The following SLC39A11 variants were observed in gnomAD, a reference collection of about 807,000 sequenced individuals.
SLC39A11 encodes the protein zinc transporter ZIP11.
A neutral mutation model predicts 36.1 loss-of-function variants in SLC39A11; 33 were observed. The ratio of observed to expected loss-of-function variants is 0.91; its 90% CI spans 0.69 to 1.22. SLC39A11 has a LOEUF of 1.22. Ranked by LOEUF, SLC39A11 falls within the 50% of genes most tolerant of loss-of-function variation. The probability of loss-of-function intolerance (pLI) is 0.00; values close to 1 mark genes in which losing one functional copy is unlikely to be tolerated. For missense variants in SLC39A11, 432 were observed against 430.3 expected (o/e 1.00, Z -0.03); for synonymous variants, 166 against 170.3 (o/e 0.97, Z 0.20).
At chr17:72,788,710 G>A (rs1022703346) in intron 6 of SLC39A11, among the ~76,000 whole-genome samples, 9 of 152,236 alleles carry the variant, frequency 5.9e-5, no homozygotes, top group African/African-American at 2.2e-4. Flanking sequence ...TGAGCCAATG[G>A]TATACATTTA....
intron 4 of SLC39A11, among the ~76,000 whole-genome samples, chr17:72,950,086 C>T (rs1393800557): frequency 6.6e-6 from 1 of 151,964 alleles, no homozygotes; most frequent in African/African-American, 2.4e-5. Context: ...TGCTTCCAAC[C>T]AAATGTTGAA....
chr17:72,994,013 G>A (rs2089348659), intron 4 of SLC39A11, among the ~76,000 whole-genome samples: 1 of 152,092 alleles, frequency 6.6e-6, no homozygotes, highest in African/African-American at 2.4e-5. Context: ...TCTTGGTCCT[G>A]TATTTTTCCA....
chr17:72,816,350 G>A (rs1273658791), intron 6 of SLC39A11, among the ~76,000 whole-genome samples: 1 of 151,902 alleles, frequency 6.6e-6, no homozygotes, highest in African/African-American at 2.4e-5. Flanking sequence ...TAATCTCTTT[G>A]CTGTTTCTTT....
At chr17:73,039,297 C>T (rs918073501) in intron 3 of SLC39A11, among the ~76,000 whole-genome samples, 8 of 152,082 alleles carry the variant, frequency 5.3e-5, no homozygotes, top group Admixed American at 1.3e-4. Context: ...TCCCATCTTG[C>T]GCTATACCCC....
At chr17:72,937,672 C>T (rs1484789094) in intron 5 of SLC39A11, among the ~76,000 whole-genome samples, 2 of 152,096 alleles carry the variant, frequency 1.3e-5, no homozygotes, top group Non-Finnish European at 2.9e-5. Flanking sequence ...ATATTTGTTT[C>T]CCCAGGAGGG....
chr17:73,019,199 G>A (rs957363963), intron 4 of SLC39A11, among the ~76,000 whole-genome samples: 2 of 152,076 alleles, frequency 1.3e-5, no homozygotes, highest in Non-Finnish European at 2.9e-5. Context: ...TTCTCCAGAT[G>A]GAAGAAAAAT....
chr17:72,750,333 C>T (rs1033406784), intron 6 of SLC39A11, among the ~76,000 whole-genome samples: 2 of 151,992 alleles, frequency 1.3e-5, no homozygotes, highest in African/African-American at 4.8e-5. Context: ...ACCACAACCA[C>T]ATCGCCTGTG....
At chr17:72,886,822 T>G (rs915344570) in intron 5 of SLC39A11, among the ~76,000 whole-genome samples, 4 of 152,180 alleles carry the variant, frequency 2.6e-5, no homozygotes, top group Admixed American at 6.5e-5. Context: ...TCACGAATGC[T>G]CCCTGTGACC....
chr17:72,985,407 CT>C (rs386386576), intron 4 of SLC39A11, among the ~76,000 whole-genome samples: 43 of 78,932 alleles, frequency 5.4e-4, no homozygotes, highest in East Asian at 1.3e-3. Flanking sequence ...TGGGGCCTGC[CT>C]TTTTTTTTTT....
At chr17:72,673,237 T>C (rs1412313489) in intron 7 of SLC39A11, among the ~76,000 whole-genome samples, 1 of 152,114 alleles carries the variant, frequency 6.6e-6, no homozygotes, top group Admixed American at 6.5e-5. Flanking sequence ...CCTGAGTAGC[T>C]GGGATTACAG....
intron 6 of SLC39A11, among the ~76,000 whole-genome samples, chr17:72,770,216 A>T (rs2075887010): frequency 6.6e-6 from 1 of 152,254 alleles, no homozygotes; most frequent in African/African-American, 2.4e-5. Flanking sequence ...TGAGCCAGAC[A>T]CAAAAGAACA....
At chr17:72,928,633 C>T (rs1567969646) in intron 5 of SLC39A11, among the ~76,000 whole-genome samples, 1 of 152,154 alleles carries the variant, frequency 6.6e-6, no homozygotes. Context: ...TCCCAGGGCC[C>T]TGATAGTTGA....
At chr17:72,932,026 T>C (rs974582463) in intron 5 of SLC39A11, among the ~76,000 whole-genome samples, 7 of 152,362 alleles carry the variant, frequency 4.6e-5, no homozygotes, top group African/African-American at 1.7e-4. Context: ...ATCGATTTTA[T>C]AGTATATTTT....
intron 6 of SLC39A11, among the ~76,000 whole-genome samples, chr17:72,790,351 G>A (rs749446095): frequency 3.3e-5 from 5 of 152,134 alleles, no homozygotes; most frequent in East Asian, 1.9e-4. Context: ...TGGTGAGGAA[G>A]TAGGCAGTGC....
chr17:72,707,700 T>A (rs1429018205), intron 7 of SLC39A11, among the ~76,000 whole-genome samples: 1 of 152,216 alleles, frequency 6.6e-6, no homozygotes, highest in Non-Finnish European at 1.5e-5. Flanking sequence ...TGGGTACACA[T>A]CCTTGTTCTG....
intron 3 of SLC39A11, among the ~76,000 whole-genome samples, chr17:73,052,432 C>T (rs138356051): frequency 5.8e-4 from 88 of 152,064 alleles, no homozygotes; most frequent in African/African-American, 2.1e-3. Flanking sequence ...CAGAACAAAG[C>T]AGCAAACAGA....
intron 6 of SLC39A11, among the ~76,000 whole-genome samples, chr17:72,740,056 C>CTTTTG (rs2074610514): frequency 1.2e-5 from 1 of 81,462 alleles, no homozygotes; most frequent in Non-Finnish European, 2.1e-5. Flanking sequence ...CTTTCCTTTT[C>CTTTTG]TTTTTTTTTT....
intron 4 of SLC39A11, among the ~76,000 whole-genome samples, chr17:72,974,738 C>T (rs1160811593): frequency 2.0e-5 from 3 of 152,216 alleles, no homozygotes; most frequent in Non-Finnish European, 4.4e-5. Context: ...TTCACATTCA[C>T]TCACCACTCA....
chr17:72,812,195 G>T (rs370160371), intron 6 of SLC39A11, among the ~76,000 whole-genome samples: 1 of 152,276 alleles, frequency 6.6e-6, no homozygotes, highest in Non-Finnish European at 1.5e-5. Flanking sequence ...GCTCCCCAAG[G>T]TCATGTTAGT....
Sources: gnomAD v4.1 joint callset for allele counts (sites outside exome capture counted in the v4.1 genomes callset) on GRCh38, gnomAD v4.1.1 for gene constraint, MANE v1.5 for transcripts, NCBI Gene and HGNC (gene_info 2026-07-23, HGNC 2026-07-21) for gene names.